The following ETV6 variants were observed in gnomAD, a reference collection of about 807,000 sequenced individuals.
ETV6 encodes ETS variant transcription factor 6, also known as transcription factor ETV6.
A neutral mutation model predicts 51.1 loss-of-function variants in ETV6; 16 were observed. The observed-to-expected ratio is 0.31, with a 90% CI of 0.21 to 0.48. The LOEUF (loss-of-function observed/expected upper bound fraction) is 0.48, where lower values mean the gene tolerates loss of function less well. ETV6 is among the 20% of genes least tolerant of loss of function. The probability of loss-of-function intolerance (pLI) is 0.99; values close to 1 mark genes in which losing one functional copy is unlikely to be tolerated. For missense variants in ETV6, 458 were observed against 594.8 expected (o/e 0.77, Z 2.39); for synonymous variants, 240 against 224.1 (o/e 1.07, Z -0.64).
At chr12:11,828,230 C>T (rs1333143650) in intron 2 of ETV6, among the ~76,000 whole-genome samples, 2 of 152,114 alleles carry the variant, frequency 1.3e-5, no homozygotes, top group Non-Finnish European at 2.9e-5. Flanking sequence ...AGCCAAGTTG[C>T]CTCATTGTAC....
intron 2 of ETV6, among the ~76,000 whole-genome samples, chr12:11,757,256 G>A (rs188012240): frequency 6.6e-6 from 1 of 152,040 alleles, no homozygotes; most frequent in East Asian, 1.9e-4. Flanking sequence ...ACATTACCTC[G>A]CTGCTCACCC....
chr12:11,757,153 C>T (rs1198499184), intron 2 of ETV6, among the ~76,000 whole-genome samples: 1 of 152,140 alleles, frequency 6.6e-6, no homozygotes, highest in South Asian at 2.1e-4. Flanking sequence ...TCCCTTGGCT[C>T]TCTTTCCTTT....
chr12:11,760,807 G>C (rs896307078), intron 2 of ETV6, among the ~76,000 whole-genome samples: 2 of 151,850 alleles, frequency 1.3e-5, no homozygotes, highest in Non-Finnish European at 2.9e-5. Flanking sequence ...AGATCATAAA[G>C]CCACTCTAGA....
In ETV6 at chr12:11,893,792, TTTTATATATA is replaced by T. The variant is rs1361103935; in HGVS notation, c.*2748_*2757del. On this transcript the variant is annotated 3_prime_UTR_variant, in exon 8 of 8. Coordinates refer to ENST00000396373, the MANE Select transcript of ETV6 (RefSeq NM_001987.5). ...TTGTGTCCATCCCCAAGATCTCTCATTTTATATATATATATATATATATATATATATATAT... is the reference window on the plus strand; with the variant it reads ...TTGTGTCCATCCCCAAGATCTCTCATTATATATATATATATATATATATAT... 144 of 42,166 alleles carry T rather than the reference TTTTATATATA, an allele frequency of 3.4e-3. 5 individuals carry two copies. The highest frequency in any genetic ancestry group is 3.9e-3 in the Non-Finnish European group (92 of 23,892). The allele number at this position is 42,166 out of a possible 1,614,324, so 2.6% of individuals were successfully genotyped here. A position where few individuals can be genotyped will look rare whatever the true frequency, so the allele number is the denominator to read the frequency against.
At chr12:11,710,265 A>G (rs1865149671) in intron 1 of ETV6, among the ~76,000 whole-genome samples, 1 of 151,312 alleles carries the variant, frequency 6.6e-6, no homozygotes, top group South Asian at 2.1e-4. Context: ...TCCCCAGCAT[A>G]CATGCACACT....
intron 2 of ETV6, among the ~76,000 whole-genome samples, chr12:11,790,220 T>G (rs949882001): frequency 6.6e-6 from 1 of 152,170 alleles, no homozygotes; most frequent in South Asian, 2.1e-4. Context: ...TCTCTCTGGA[T>G]GATATTTTTC....
At position 11,750,952 on chromosome 12, in the gene ETV6, AG is replaced by A. The variant is rs1944421728; in HGVS notation, c.34-1496del. ...GTTTTGCCTCTGGGTGACTTTTTAC[AG>A]GACATCTTAATTGACCCAGAAATGA... On this transcript the variant is annotated intron_variant, in intron 1 of 7. Transcript: ENST00000396373. 8.9e-6 allele frequency: 4 copies of A among 447,850 alleles called. No individual in the cohort carries two copies. In the Admixed American group the frequency reaches 1.2e-4, roughly 13 times the overall value. The allele number at this position is 447,850 out of a possible 1,614,324, so 27.7% of individuals were successfully genotyped here.
intron 1 of ETV6, among the ~76,000 whole-genome samples, 190 bp downstream of exon 1, chr12:11,650,350 C>CT (rs1022913107): frequency 7.3e-6 from 1 of 137,350 alleles, no homozygotes; most frequent in Non-Finnish European, 1.5e-5. Context: ...CTACTCCCCC[C>CT]CACCGCCGAG....
At chr12:11,770,381 A>G (rs1454945626) in intron 2 of ETV6, among the ~76,000 whole-genome samples, 2 of 151,846 alleles carry the variant, frequency 1.3e-5, no homozygotes, top group African/African-American at 2.4e-5. Context: ...CACGCTTACT[A>G]GATGCTGGGT....
At chr12:11,738,480 A>T (rs949468270) in intron 1 of ETV6, among the ~76,000 whole-genome samples, 7 of 150,588 alleles carry the variant, frequency 4.6e-5, no homozygotes, top group African/African-American at 1.2e-4. Context: ...CTAATTTTTA[A>T]TTTTTTTTAA....
intron 2 of ETV6, among the ~76,000 whole-genome samples, chr12:11,798,546 G>C (rs924956103): frequency 6.6e-6 from 1 of 152,196 alleles, no homozygotes; most frequent in African/African-American, 2.4e-5. Flanking sequence ...GGGAATGCTA[G>C]TGTCTAGAAG....
Position 11,869,616 on chromosome 12 carries a change from A to G in ETV6, c.656A>G (p.Gln219Arg), listed in dbSNP as rs752454285. Residue 219 changes from glutamine to arginine, a missense_variant, in exon 5 of 8, where the codon CAG (glutamine) becomes CGG (arginine). This residue lies in a region of ETV6 where 293 missense variants were observed against 315.7 expected (regional missense o/e 0.93). Transcript: ENST00000396373. This position sits in a 1 kb window ranked among gnomAD's most constrained non-coding sequence, Gnocchi z 5.0. ...IRRLSPAERA[Q>R]GPRPHQENNH... ...CGCCTCTCCCCGGCTGAGAGAGCTCAGGGACCCAGGCCGCACCAGGAGAAC... is the reference window on the plus strand; with the variant it reads ...CGCCTCTCCCCGGCTGAGAGAGCTCGGGGACCCAGGCCGCACCAGGAGAAC... The G allele has an allele frequency of 1.4e-5, 22 of 1,614,174 alleles. No individual in the cohort carries two copies. The highest frequency in any genetic ancestry group is 1.8e-5 in the Non-Finnish European group (21 of 1,180,030).
At chr12:11,716,261 G>T (rs1026221297) in intron 1 of ETV6, among the ~76,000 whole-genome samples, 27 of 148,802 alleles carry the variant, frequency 1.8e-4, no homozygotes, top group Admixed American at 8.1e-4. Flanking sequence ...AATCTGGGAG[G>T]CTGAGCTTGC....
chr12:11,862,226 A>G (rs984114598), intron 4 of ETV6, among the ~76,000 whole-genome samples: 2 of 152,012 alleles, frequency 1.3e-5, no homozygotes, highest in Admixed American at 1.3e-4. Context: ...TGAATCATCC[A>G]CTCCAAACTA....
chr12:11,859,052 CT>C (rs1212085101), intron 4 of ETV6, among the ~76,000 whole-genome samples: 1 of 146,440 alleles, frequency 6.8e-6, no homozygotes, highest in Non-Finnish European at 1.5e-5. Context: ...CCAAAGACTG[CT>C]TTGGCAGAAG....
At chr12:11,880,104 A>AT (rs1360729631) in intron 5 of ETV6, among the ~76,000 whole-genome samples, 1 of 151,974 alleles carries the variant, frequency 6.6e-6, no homozygotes, top group Non-Finnish European at 1.5e-5. Flanking sequence ...TCTAGGCATA[A>AT]TTTTTACCAA....
intron 1 of ETV6, among the ~76,000 whole-genome samples, 195 bp downstream of exon 1, chr12:11,650,355 GC>G (rs1324842289): frequency 1.6e-5 from 1 of 63,614 alleles, no homozygotes; most frequent in Non-Finnish European, 4.2e-5. Context: ...CCCCCCCACC[GC>G]CGAGCCCCTG....
Position 11,751,279 on chromosome 12 carries a change from A to G in ETV6, c.34-1171A>G, listed in dbSNP as rs932308389. The G allele has an allele frequency of 3.9e-5, 20 of 513,240 alleles. No individual in the cohort carries two copies. In the Admixed American group the frequency reaches 3.9e-4, roughly 10 times the overall value. 31.8% of individuals were successfully genotyped at this position (513,240 alleles called of 1,614,324 possible). On this transcript the variant is annotated intron_variant, in intron 1 of 7. Coordinates refer to ENST00000396373, the MANE Select transcript of ETV6 (RefSeq NM_001987.5). ...ATGAGATGTAAAATGTTAAAGAACT[A>G]TCTTTCCAAAACGTAAACACTGCCT... is the stretch of plus-strand genomic sequence containing the variant.
At position 11,852,536 on chromosome 12, in the gene ETV6, C is replaced by A. The variant is rs75132244; in HGVS notation, c.329-891C>A. Among the ~76,000 whole-genome samples, 838 of 152,204 alleles carry A rather than the reference C, an allele frequency of 5.5e-3. 6 individuals are homozygous for A. Among genetic ancestry groups the A allele is most frequent in the African/African-American group, 0.019 (785 of 41,530 alleles). On this transcript the variant is annotated intron_variant, in intron 3 of 7. Transcript: ENST00000396373. ...ATATTTTTCTCTGTAGGGAAAATTT[C>A]TGTGAAGAATCTATGAGTTGTCATT...
Sources: allele counts gnomAD v4.1 joint callset (sites outside exome capture counted in the v4.1 genomes callset), GRCh38; gene constraint gnomAD v4.1.1; regional missense constraint gnomAD v4.1.1; non-coding constraint Gnocchi (gnomAD v3.1); transcripts MANE v1.5; gene names NCBI Gene and HGNC (gene_info 2026-07-23, HGNC 2026-07-21).